Variants in ZFP57 observed in about 807,000 individuals in gnomAD.
ZFP57 encodes the protein ZFP57 zinc finger protein.
ZFP57 carries 12 observed loss-of-function variants against 15.8 expected under a neutral mutation model. The ratio of observed to expected loss-of-function variants is 0.76; its 90% confidence interval spans 0.49 to 1.23. The LOEUF (loss-of-function observed/expected upper bound fraction) is 1.23, where lower values mean the gene tolerates loss of function less well. Ranked by LOEUF, ZFP57 falls within the 50% of genes most tolerant of loss-of-function variation. The pLI is 0.00. For missense variants in ZFP57, 536 were observed against 654.9 expected (o/e 0.82, Z 1.98); for synonymous variants, 203 against 242.3 (o/e 0.84, Z 1.51).
intron 1 of ZFP57, among the ~76,000 whole-genome samples, chr6:29,677,658 T>A (rs1772141070): frequency 6.6e-6 from 1 of 152,234 alleles, no homozygotes; most frequent in Non-Finnish European, 1.5e-5. Flanking sequence ...CAGGCTAGGA[T>A]CTGTCACAGA....
intron 1 of ZFP57, among the ~76,000 whole-genome samples, chr6:29,677,970 T>A (rs1772159163): frequency 6.6e-6 from 1 of 152,120 alleles, no homozygotes; most frequent in African/African-American, 2.4e-5. Context: ...GAGGCTGAGG[T>A]AGGCAGATCA....
rs927447980 is a variant in ZFP57 at position 29,673,822 on chromosome 6, G to A, written c.353-64C>T. ...AAGAACTCCAACAGAGGCTTGGCAT[G>A]GTGGCTCACACCTGTAATCCCAGCA... On this transcript the variant is annotated intron_variant, in intron 4 of 4. Transcript: ENST00000376883. The surrounding 1 kb of genome is among the most constrained non-coding windows in gnomAD (Gnocchi z 4.7). 6.3e-7 allele frequency: 1 copy of A among 1,597,414 alleles called. No individual in the cohort carries two copies. The highest frequency in any genetic ancestry group is 8.6e-7 in the Non-Finnish European group (1 of 1,166,994).
In ZFP57 at chr6:29,677,298, G is replaced by A. The variant is rs552472247; in HGVS notation, c.-295C>T. Reference sequence around the variant, plus strand: ...CCTGGTCACCCTTGGCTCACCAGCTGCCATTGTTTAGTAACAACACCAGCC... The same window carrying A: ...CCTGGTCACCCTTGGCTCACCAGCTACCATTGTTTAGTAACAACACCAGCC... On this transcript the variant is annotated 5_prime_UTR_variant, in exon 2 of 5. Transcript: ENST00000376883. 5.4e-5 allele frequency: 26 copies of A among 485,484 alleles called. No homozygotes were observed. The East Asian group carries it at 6.6e-4, about 12-fold the overall frequency. The allele number at this position is 485,484 out of a possible 1,614,324, so 30.1% of individuals were successfully genotyped here. A position where few individuals can be genotyped will look rare whatever the true frequency, so the allele number is the denominator to read the frequency against.
chr6:29,677,837 C>T (rs1055398455), intron 1 of ZFP57, among the ~76,000 whole-genome samples: 6 of 151,708 alleles, frequency 4.0e-5, no homozygotes, highest in Non-Finnish European at 8.8e-5. Flanking sequence ...AGTAGTTCCC[C>T]TTTATCATGG....
At position 29,673,676 on chromosome 6, in the gene ZFP57, G is replaced by T; in HGVS notation, c.435C>A (p.Cys145Ter). 1.9e-6 allele frequency: 3 copies of T among 1,612,976 alleles called. No individual in the cohort carries two copies. The highest frequency in any genetic ancestry group is 2.5e-6 in the Non-Finnish European group (3 of 1,179,972). ...ATAGGGGGCACTGGCCGGCCCCTCT[G>T]CATGCAAGGAAGACCTTGTCATCAC... is the stretch of plus-strand genomic sequence containing the variant. ...GTSDDKVFLACRGAGQCPLSA... is the reference protein window; with the variant it reads ...GTSDDKVFLA Residue 145 changes from cysteine (C) to a stop codon, truncating the protein, a stop_gained, in exon 5 of 5, where the codon TGC becomes TGA. Coordinates refer to ENST00000376883, the MANE Select transcript of ZFP57 (RefSeq NM_001109809.5). LOFTEE classifies it low-confidence loss of function (END_TRUNC). The surrounding 1 kb of genome is among the most constrained non-coding windows in gnomAD (Gnocchi z 4.7).
rs1562221637 is a variant in ZFP57 at position 29,673,339 on chromosome 6, GC to G, written c.771del (p.His259IlefsTer37). ...TTCCCACACACAGAGCATGAATGGG[GC>G]CGGTAACCCAGATGGACGCGGCGGT... The part of the protein sequence containing the change: ...SRHRRVHLGY[R>X]PHSCSVCGKS... On this transcript the variant is annotated frameshift_variant, in exon 5 of 5. Transcript: ENST00000376883. LOFTEE classifies it low-confidence loss of function (END_TRUNC). The surrounding 1 kb of genome is among the most constrained non-coding windows in gnomAD (Gnocchi z 4.7). The G allele has an allele frequency of 6.2e-7, 1 of 1,613,040 alleles. No homozygotes were observed. The highest frequency in any genetic ancestry group is 8.5e-7 in the Non-Finnish European group (1 of 1,180,036).
At chr6:29,674,202 A>AG (rs1771948557) in intron 4 of ZFP57, among the ~76,000 whole-genome samples, 2 of 136,408 alleles carry the variant, frequency 1.5e-5, no homozygotes, top group Non-Finnish European at 3.2e-5. Context: ...AAGAAGAAGA[A>AG]AAGAAAAGAA....
rs745960774 is a variant in ZFP57 at position 29,672,835 on chromosome 6, T to C, written c.1276A>G (p.Arg426Gly). Residue 426 changes from arginine to glycine, a missense_variant, in exon 5 of 5, where the codon AGG (arginine) becomes GGG (glycine). Physicochemically the swap from Arg to Gly is moderately radical, Grantham distance 125. Coordinates refer to ENST00000376883, the MANE Select transcript of ZFP57 (RefSeq NM_001109809.5). Reference protein sequence around the residue: ...HCSKSFSSFSRLVRHQQTHWK... With the variant: ...HCSKSFSSFSGLVRHQQTHWK... ...TGGGTCTGCTGGTGTCTGACCAGCC[T>C]GGAAAATGAGCTGAAAGACTTGCTG... The C allele has an allele frequency of 1.2e-6, 2 of 1,613,078 alleles. No individual in the cohort carries two copies. The highest frequency in any genetic ancestry group is 4.5e-5 in the East Asian group (2 of 44,890).
rs761734387 is a variant in ZFP57 at position 29,672,782 on chromosome 6, A to G, written c.1329T>C (p.Pro443=). The change falls in exon 5 of 5, where the codon CCT becomes CCC. Residue 443 remains proline, a synonymous_variant. Transcript: ENST00000376883. ...THWKQKSYLC[P]ICDLSFGEKE... is the part of the protein sequence containing the mutation. The stretch of plus-strand genomic sequence containing the variant: ...TCTCCCCAAAGGAGAGGTCACAGAT[A>G]GGGCAAAGGTAGCTCTTCTGCTTCC... 1.9e-5 allele frequency: 30 copies of G among 1,612,974 alleles called. No homozygotes were observed. The African/African-American group carries it at 3.7e-4, about 20-fold the overall frequency.
At position 29,677,123 on chromosome 6, in the gene ZFP57, C is replaced by A; in HGVS notation, c.-120G>T. On this transcript the variant is annotated 5_prime_UTR_variant, in exon 2 of 5. Transcript: ENST00000376883. ...TAACTGGGCAGATGGAGAGGCCCAG[C>A]AAAGGCCCCAGGGTTTGATGTGGCT... The A allele has an allele frequency of 1.4e-6, 2 of 1,436,314 alleles. No homozygotes were observed. The highest frequency in any genetic ancestry group is 1.9e-6 in the Non-Finnish European group (2 of 1,027,620). 89.0% of individuals were successfully genotyped at this position (1,436,314 alleles called of 1,614,324 possible).
intron 1 of ZFP57, among the ~76,000 whole-genome samples, chr6:29,679,204 T>C (rs2127549564): frequency 6.6e-6 from 1 of 152,342 alleles, no homozygotes; most frequent in South Asian, 2.1e-4. Flanking sequence ...CCTTGGAAAT[T>C]TCCTGCTCAG....
At chr6:29,675,253 C>T (rs1311499795) in intron 4 of ZFP57, 133 bp downstream of exon 4, 1 of 741,590 alleles carries the variant, frequency 1.3e-6, no homozygotes, top group Non-Finnish European at 2.4e-6. Flanking sequence ...CTTTCAACTC[C>T]AAGTCTGACC....
Position 29,677,165 on chromosome 6 carries a change from TCTGCTCCAAGAGG to T in ZFP57, c.-175_-163del. 2.2e-6 allele frequency: 2 copies of T among 905,760 alleles called. No individual in the cohort carries two copies. Among genetic ancestry groups the T allele is most frequent in the Non-Finnish European group, 3.5e-6 (2 of 572,986 alleles). The allele number at this position is 905,760 out of a possible 1,614,324, so 56.1% of individuals were successfully genotyped here. On this transcript the variant is annotated 5_prime_UTR_variant, in exon 2 of 5. Coordinates refer to ENST00000376883, the MANE Select transcript of ZFP57 (RefSeq NM_001109809.5). ...GATGTGGCTTCCTGTGACAAATGTA[TCTGCTCCAAGAGG>T]CTGTCTTCCTTTTTTGTTCTGCTGT...
Position 29,672,813 on chromosome 6 carries a change from G to A in ZFP57, c.1298C>T (p.Thr433Ile). The A allele has an allele frequency of 6.2e-7, 1 of 1,613,096 alleles. No individual in the cohort carries two copies. Among genetic ancestry groups the A allele is most frequent in the Non-Finnish European group, 8.5e-7 (1 of 1,180,046 alleles). Residue 433 changes from threonine (T) to isoleucine (I), a missense_variant, in exon 5 of 5, where the codon ACC (threonine) becomes ATC (isoleucine). Physicochemically the swap from Thr to Ile is moderately conservative, Grantham distance 89. Coordinates refer to ENST00000376883, the MANE Select transcript of ZFP57 (RefSeq NM_001109809.5). ...SFSRLVRHQQ[T>I]HWKQKSYLCP... ...AAGGTAGCTCTTCTGCTTCCAGTGGGTCTGCTGGTGTCTGACCAGCCTGGA... is the reference window on the plus strand; with the variant it reads ...AAGGTAGCTCTTCTGCTTCCAGTGGATCTGCTGGTGTCTGACCAGCCTGGA...
At chr6:29,675,641 A>G (rs1458386442) in intron 3 of ZFP57, among the ~76,000 whole-genome samples, 154 bp from the exon 4 acceptor site, 2 of 152,208 alleles carry the variant, frequency 1.3e-5, no homozygotes, top group Non-Finnish European at 2.9e-5. Context: ...GCCAGCTGCT[A>G]GCAAAGTACC....
chr6:29,677,355 G>C lies in ZFP57; in HGVS notation c.-352C>G. Reference sequence around the variant, plus strand: ...AGGTGTCTGCCGTCTGTTCTACCCTGCTTCTAGAAACCTGAGGTCAGAGAA... The same window carrying C: ...AGGTGTCTGCCGTCTGTTCTACCCTCCTTCTAGAAACCTGAGGTCAGAGAA... On this transcript the variant is annotated 5_prime_UTR_variant, in exon 2 of 5. Transcript: ENST00000376883. 2.9e-6 allele frequency: 1 copy of C among 346,028 alleles called. No homozygotes were observed. The highest frequency in any genetic ancestry group is 5.5e-6 in the Non-Finnish European group (1 of 182,688). The allele number at this position is 346,028 out of a possible 1,614,324, so 21.4% of individuals were successfully genotyped here. A position where few individuals can be genotyped will look rare whatever the true frequency, so the allele number is the denominator to read the frequency against.
chr6:29,677,043 C>T lies in ZFP57; in HGVS notation c.-40G>A, dbSNP rs745971548. The T allele has an allele frequency of 6.2e-7, 1 of 1,613,846 alleles. No individual in the cohort carries two copies. Among genetic ancestry groups the T allele is most frequent in the Non-Finnish European group, 8.5e-7 (1 of 1,180,038 alleles). On this transcript the variant is annotated 5_prime_UTR_variant, in exon 2 of 5. Transcript: ENST00000376883. Reference sequence around the variant, plus strand: ...TGTCTCTTTCTAGCTTTATCCACTCCTGGCCTGGTGCCCAGGCCTGACTGG... The same window carrying T: ...TGTCTCTTTCTAGCTTTATCCACTCTTGGCCTGGTGCCCAGGCCTGACTGG...
chr6:29,675,505 G>C lies in ZFP57; in HGVS notation c.251-18C>G. On this transcript the variant is annotated intron_variant, in intron 3 of 4. Transcript: ENST00000376883. ...GATTCTGGCTGATGTGTGGGAATGA[G>C]AAAGAGTTGAGTTGGTCCCAGGTAT... The C allele has an allele frequency of 6.2e-7, 1 of 1,606,672 alleles. No homozygotes were observed. Among genetic ancestry groups the C allele is most frequent in the Non-Finnish European group, 8.5e-7 (1 of 1,173,154 alleles).
chr6:29,676,098 A>ATGTGTGTGTGTGTGTTTG, intron 2 of ZFP57, 39 bp from the exon 3 acceptor site: 1 of 1,298,386 alleles, frequency 7.7e-7, no homozygotes, highest in Non-Finnish European at 1.1e-6. Flanking sequence ...TTATATAAAT[A>ATGTGTGTGTGTGTGTTTG]TATATGTGTG....
Sources: allele counts gnomAD v4.1 joint callset (sites outside exome capture counted in the v4.1 genomes callset), GRCh38; gene constraint gnomAD v4.1.1; non-coding constraint Gnocchi (gnomAD v3.1); transcripts MANE v1.5; gene names NCBI Gene and HGNC (gene_info 2026-07-23, HGNC 2026-07-21).